The following SAMSN1 variants were observed in gnomAD, a reference collection of about 807,000 sequenced individuals.
SAMSN1 encodes the protein SAM domain, SH3 domain and nuclear localization signals 1.
A neutral mutation model predicts 42.0 loss-of-function variants in SAMSN1; 31 were observed. That is an observed-to-expected ratio of 0.74 (90% confidence interval 0.55 to 1.00). The LOEUF (loss-of-function observed/expected upper bound fraction) is 1.00. Ranked by LOEUF, SAMSN1 falls within the 50% of genes least tolerant of loss-of-function variation. The pLI, the probability that SAMSN1 is intolerant of heterozygous loss-of-function variation, is 0.00. For missense variants in SAMSN1, 464 were observed against 439.4 expected, an observed-to-expected ratio of 1.06 and a Z score of -0.50; for synonymous variants, 178 against 151.9, an observed-to-expected ratio of 1.17 and a Z score of -1.26.
At chr21:14,553,541 A>T (rs1980666716) in intron 2 of SAMSN1, among the ~76,000 whole-genome samples, 1 of 152,150 alleles carries the variant, frequency 6.6e-6, no homozygotes, top group Admixed American at 6.6e-5. Context: ...ACTTCCAATT[A>T]TCTCTGGTCT....
chr21:14,637,259 C>G (rs373335859), intron 2 of SAMSN1, among the ~76,000 whole-genome samples: 1 of 152,070 alleles, frequency 6.6e-6, no homozygotes, highest in Non-Finnish European at 1.5e-5. Context: ...CAGCATCGAA[C>G]TGAAATGTGC....
intron 1 of SAMSN1, among the ~76,000 whole-genome samples, chr21:14,523,878 A>G (rs1333904235): frequency 6.6e-6 from 1 of 152,206 alleles, no homozygotes; most frequent in African/African-American, 2.4e-5. Flanking sequence ...AATAAAGAAA[A>G]GCAGATTTAG....
At chr21:14,496,181 C>T (rs1039030010) in intron 7 of SAMSN1, 5 of 152,164 alleles carry the variant, frequency 3.3e-5, no homozygotes, top group African/African-American at 1.2e-4. Flanking sequence ...ATATAGAAAA[C>T]TGAATCAAAG....
intron 1 of SAMSN1, among the ~76,000 whole-genome samples, chr21:14,646,727 A>T (rs1568842684): frequency 6.6e-6 from 1 of 152,226 alleles, no homozygotes; most frequent in Non-Finnish European, 1.5e-5. Flanking sequence ...CACTGTCAGT[A>T]CAATAAGACA....
upstream of SAMSN1, among the ~76,000 whole-genome samples, chr21:14,586,551 G>C (rs780075646): frequency 6.6e-6 from 1 of 152,116 alleles, no homozygotes; most frequent in Non-Finnish European, 1.5e-5. Flanking sequence ...AGTAATATGA[G>C]ATCACAGTTT....
intron 1 of SAMSN1, among the ~76,000 whole-genome samples, chr21:14,646,997 G>T (rs1416241594): frequency 2.0e-5 from 3 of 152,056 alleles, no homozygotes; most frequent in Non-Finnish European, 2.9e-5. Context: ...AGGAAGGAGA[G>T]AAAGAAGGAA....
chr21:14,548,500 A>G (rs1371161899), upstream of SAMSN1, among the ~76,000 whole-genome samples: 1 of 152,210 alleles, frequency 6.6e-6, no homozygotes, highest in African/African-American at 2.4e-5. Flanking sequence ...CAAACAAAAA[A>G]TATATATCCA....
chr21:14,527,072 A>C (rs780236399), intron 1 of SAMSN1, among the ~76,000 whole-genome samples: 10 of 152,200 alleles, frequency 6.6e-5, no homozygotes, highest in Non-Finnish European at 1.2e-4. Flanking sequence ...AGTACTTTGA[A>C]ATATACTGGC....
At chr21:14,647,811 G>A (rs1600983478) in intron 1 of SAMSN1, among the ~76,000 whole-genome samples, 1 of 142,836 alleles carries the variant, frequency 7.0e-6, no homozygotes. Context: ...GTATAAGAAT[G>A]CTTGTGATTT....
chr21:14,658,664 A>G, intron 1 of SAMSN1: 1 of 699,934 alleles, frequency 1.4e-6, no homozygotes, highest in Admixed American at 2.1e-5. Flanking sequence ...TCACATAAGA[A>G]GTTTAGAATA....
intron 2 of SAMSN1, among the ~76,000 whole-genome samples, chr21:14,633,360 C>A (rs564073942): frequency 6.6e-6 from 1 of 152,312 alleles, no homozygotes; most frequent in South Asian, 2.1e-4. Context: ...GACAACGCTC[C>A]ACTCCAGAAA....
intron 6 of SAMSN1, among the ~76,000 whole-genome samples, chr21:14,601,006 A>G (rs1037441165): frequency 6.6e-6 from 1 of 152,214 alleles, no homozygotes. Flanking sequence ...ACTGAATCCC[A>G]TGAAAGTACT....
chr21:14,571,310 G>A (rs147663132), intron 2 of SAMSN1, among the ~76,000 whole-genome samples: 11 of 152,218 alleles, frequency 7.2e-5, no homozygotes, highest in East Asian at 5.8e-4. Context: ...TGATTTTAAC[G>A]TATCTTGTGC....
At chr21:14,494,930 A>T (rs958753799) in intron 7 of SAMSN1, among the ~76,000 whole-genome samples, 4 of 152,188 alleles carry the variant, frequency 2.6e-5, no homozygotes, top group Non-Finnish European at 4.4e-5. Context: ...TTTAGCTCTT[A>T]TCCTCAAGAT....
chr21:14,604,640 C>G (rs963217108), intron 5 of SAMSN1, among the ~76,000 whole-genome samples: 3 of 152,216 alleles, frequency 2.0e-5, no homozygotes, highest in African/African-American at 4.8e-5. Context: ...ATGCTTCTTC[C>G]TGTGATGTGT....
chr21:14,519,264 A>G (rs1043843610), intron 2 of SAMSN1, among the ~76,000 whole-genome samples: 10 of 152,142 alleles, frequency 6.6e-5, no homozygotes, highest in African/African-American at 2.2e-4. Context: ...TGAGTGCTGG[A>G]TTGTTGAAAA....
chr21:14,583,138 C>G (rs1981805650), intron 1 of SAMSN1, among the ~76,000 whole-genome samples: 1 of 152,146 alleles, frequency 6.6e-6, no homozygotes, highest in Admixed American at 6.5e-5. Context: ...GATGAAATTT[C>G]TAGTAATGTA....
chr21:14,491,691 A>G (rs1198736458), intron 7 of SAMSN1, among the ~76,000 whole-genome samples: 1 of 152,120 alleles, frequency 6.6e-6, no homozygotes, highest in Non-Finnish European at 1.5e-5. Flanking sequence ...TTGGGTCTTC[A>G]TTTCCCATGA....
At chr21:14,657,137 GT>G (rs1277768921) in intron 1 of SAMSN1, among the ~76,000 whole-genome samples, 1 of 151,676 alleles carries the variant, frequency 6.6e-6, no homozygotes, top group Non-Finnish European at 1.5e-5. Context: ...ACTAAATTAT[GT>G]TATGTATTTA....
Sources: allele counts gnomAD v4.1 joint callset (sites outside exome capture counted in the v4.1 genomes callset), GRCh38; gene constraint gnomAD v4.1.1; transcripts MANE v1.5; gene names NCBI Gene and HGNC (gene_info 2026-07-23, HGNC 2026-07-21).